Variants in SRCIN1 observed in about 807,000 individuals in gnomAD.
SRCIN1 encodes the protein P130Cas-associated protein.
Under a neutral mutation model 116.2 loss-of-function variants are expected in SRCIN1, and 50 were observed. The ratio of observed to expected loss-of-function variants is 0.43; its 90% CI spans 0.34 to 0.54. The LOEUF is 0.54. Ranked by LOEUF, SRCIN1 falls within the 20% of genes least tolerant of loss-of-function variation. The probability of loss-of-function intolerance (pLI) is 0.02; values close to 1 mark genes in which losing one functional copy is unlikely to be tolerated. For missense variants in SRCIN1, 1,446 were observed against 1,672.0 expected (o/e 0.86, Z 2.36); for synonymous variants, 736 against 750.0 (o/e 0.98, Z 0.30).
At chr17:38,597,417 G>T (rs1416943912) in intron 1 of SRCIN1, among the ~76,000 whole-genome samples, 1 of 152,172 alleles carries the variant, frequency 6.6e-6, no homozygotes, top group Non-Finnish European at 1.5e-5. Flanking sequence ...TGGAGAGTGG[G>T]CCCCATTCAA....
At chr17:38,598,643 G>A (rs1055048494) in intron 1 of SRCIN1, among the ~76,000 whole-genome samples, 5 of 152,176 alleles carry the variant, frequency 3.3e-5, no homozygotes, top group Non-Finnish European at 7.3e-5. Flanking sequence ...AGGAAGGCAG[G>A]CATGAGAAAA....
chr17:38,549,438 T>A (rs977825967), intron 15 of SRCIN1, among the ~76,000 whole-genome samples: 1 of 152,184 alleles, frequency 6.6e-6, no homozygotes, highest in Non-Finnish European at 1.5e-5. Flanking sequence ...CTCCAAGTGT[T>A]GTCTGTGGAC....
In SRCIN1 at chr17:38,552,979, G is replaced by A. The variant is rs1905541770; in HGVS notation, c.2202-124C>T. On this transcript the variant is annotated intron_variant, in intron 11 of 18. Transcript: ENST00000617146. This position sits in a 1 kb window ranked among gnomAD's most constrained non-coding sequence, Gnocchi z 5.3. ...ATCGAAAGTAAAAGCAGGAGGCTGG[G>A]CACCGTGGCTCACGCCCGTAATCTC... 5.5e-6 allele frequency: 8 copies of A among 1,448,284 alleles called. No individual in the cohort carries two copies. In the South Asian group the frequency reaches 9.5e-5, roughly 17 times the overall value. 89.7% of individuals were successfully genotyped at this position (1,448,284 alleles called of 1,614,324 possible).
chr17:38,560,170 GATGTC>G, intron 8 of SRCIN1, 73 bp from the exon 9 acceptor site: 8 of 1,430,830 alleles, frequency 5.6e-6, no homozygotes, highest in Middle Eastern at 1.9e-4. Context: ...TGGAACCTTG[GATGTC>G]ATCTCCTCCA....
At chr17:38,547,347 G>A (rs1905132040) in intron 17 of SRCIN1, among the ~76,000 whole-genome samples, 1 of 152,184 alleles carries the variant, frequency 6.6e-6, no homozygotes, top group African/African-American at 2.4e-5. Context: ...CTCAGGACAA[G>A]GTCAGATTTT....
rs542328017 is a variant in SRCIN1, at chr17:38,596,134, G to T, written c.22+9550C>A. Among the ~76,000 whole-genome samples the T allele has an allele frequency of 4.1e-4, 62 of 152,350 alleles. 1 individual carries two copies. The South Asian group carries it at 9.5e-3, about 23-fold the overall frequency. On this transcript the variant is annotated intron_variant, in intron 1 of 18. Transcript: ENST00000617146. ...CTCCCGCCGCACGCTGGAGCCCTGG[G>T]TGAGGGACAGGAAAGGAGGAAAGTC...
intron 1 of SRCIN1, 64 bp from the exon 2 acceptor site, chr17:38,578,855 C>T (rs893959933): frequency 1.7e-5 from 24 of 1,427,316 alleles, no homozygotes; most frequent in Non-Finnish European, 2.1e-5. Context: ...GCCCATCCCC[C>T]AAGGGGGTCC....
rs534333954 is a variant in SRCIN1, at chr17:38,596,464, G to A, written c.22+9220C>T. On this transcript the variant is annotated intron_variant, in intron 1 of 18. Transcript: ENST00000617146. The stretch of plus-strand genomic sequence containing the variant: ...GAAAACATGGGGTCCCCAGAACTGG[G>A]TTCCCAGGACAGACAGCCAACAAGC... 2.0e-5 allele frequency among the ~76,000 whole-genome samples: 3 copies of A among 152,250 alleles called. No homozygotes were observed. The East Asian group carries it at 5.8e-4, about 29-fold the overall frequency.
intron 18 of SRCIN1, among the ~76,000 whole-genome samples, chr17:38,537,138 A>G (rs1483835426): frequency 6.6e-6 from 1 of 151,926 alleles, no homozygotes; most frequent in Non-Finnish European, 1.5e-5. Flanking sequence ...AGATCGCACC[A>G]CTGCACTCCA....
chr17:38,591,987 G>A (rs1002160872), intron 1 of SRCIN1, among the ~76,000 whole-genome samples: 4 of 152,206 alleles, frequency 2.6e-5, no homozygotes, highest in African/African-American at 7.2e-5. Flanking sequence ...TGTGAGAAGT[G>A]GAAAACCACA....
intron 1 of SRCIN1, among the ~76,000 whole-genome samples, chr17:38,584,265 T>C (rs1408210940): frequency 6.6e-6 from 1 of 151,968 alleles, no homozygotes; most frequent in African/African-American, 2.4e-5. Flanking sequence ...AGGGATGGGG[T>C]TGGGGAAACC....
At chr17:38,600,970 G>A (rs1908988336) in intron 1 of SRCIN1, 1 of 152,352 alleles carries the variant, frequency 6.6e-6, no homozygotes, top group South Asian at 2.1e-4. Flanking sequence ...AATGGGCAAG[G>A]GGAGTTGGAA....
intron 18 of SRCIN1, among the ~76,000 whole-genome samples, chr17:38,543,500 C>A (rs73982825): frequency 0.024 from 3,628 of 152,290 alleles, 167 homozygotes; most frequent in African/African-American, 0.084. Context: ...CTGCTGGAGT[C>A]ACAAACTCGC....
chr17:38,605,626 G>T, intron 1 of SRCIN1, 58 bp downstream of exon 1: 1 of 1,262,966 alleles, frequency 7.9e-7, no homozygotes, highest in South Asian at 1.5e-5. Context: ...AAAGAAAACA[G>T]AAATACCTTC....
chr17:38,577,235 C>T (rs1001418576), intron 2 of SRCIN1, among the ~76,000 whole-genome samples: 8 of 152,212 alleles, frequency 5.3e-5, no homozygotes, highest in South Asian at 2.1e-4. Context: ...TTCCCCTCCC[C>T]AGCTAGATGA....
At chr17:38,554,210 C>CAA (rs1008568582) in intron 11 of SRCIN1, among the ~76,000 whole-genome samples, 8 of 124,128 alleles carry the variant, frequency 6.4e-5, no homozygotes, top group African/African-American at 1.5e-4. Flanking sequence ...GACTCTGTCT[C>CAA]AAAAAAAAAA....
At chr17:38,566,027 G>A (rs1906660023) in intron 3 of SRCIN1, among the ~76,000 whole-genome samples, 1 of 152,180 alleles carries the variant, frequency 6.6e-6, no homozygotes, top group Non-Finnish European at 1.5e-5. Context: ...TGGGGAACCA[G>A]GTCTGGTCTG....
At chr17:38,605,404 C>T (rs1266169021) in intron 1 of SRCIN1, among the ~76,000 whole-genome samples, 1 of 148,184 alleles carries the variant, frequency 6.7e-6, no homozygotes, top group African/African-American at 2.5e-5. Context: ...CACCCCGGGG[C>T]GTAGTGAGGC....
chr17:38,562,760 C>A lies in SRCIN1; in HGVS notation c.834+67G>T. On this transcript the variant is annotated intron_variant, in intron 6 of 18. Transcript: ENST00000617146. This position sits in a 1 kb window ranked among gnomAD's most constrained non-coding sequence, Gnocchi z 4.2. ...GGCCCTGGTTCCAGATGACAACTGC[C>A]CAGACCCTGCTCCCCTGGACCCCAT... The A allele has an allele frequency of 1.4e-6, 2 of 1,430,328 alleles. No individual in the cohort carries two copies. Among genetic ancestry groups the A allele is most frequent in the Non-Finnish European group, 1.9e-6 (2 of 1,030,000 alleles). 88.6% of individuals were successfully genotyped at this position (1,430,328 alleles called of 1,614,324 possible). A position where few individuals can be genotyped will look rare whatever the true frequency, so the allele number is the denominator to read the frequency against.
Sources: gnomAD v4.1 joint callset for allele counts (sites outside exome capture counted in the v4.1 genomes callset) on GRCh38, gnomAD v4.1.1 for gene constraint, Gnocchi (gnomAD v3.1) non-coding constraint, MANE v1.5 for transcripts, NCBI Gene and HGNC (gene_info 2026-07-23, HGNC 2026-07-21) for gene names.